PODN: variants seen among roughly 807,000 people sequenced by gnomAD.
PODN encodes the protein podocan proteoglycan.
A neutral mutation model predicts 52.7 loss-of-function variants in PODN; 40 were observed. That is an observed-to-expected ratio of 0.76 (90% CI 0.59 to 0.99). PODN has a LOEUF of 0.99. Among genes scored for constraint, PODN ranks in the 50% least tolerant of loss-of-function variants. PODN has a pLI of 0.00. For synonymous variants in PODN, 396 were observed against 377.9 expected, an observed-to-expected ratio of 1.05 and a Z score of -0.56; for missense variants, 720 against 815.1, an observed-to-expected ratio of 0.88 and a Z score of 1.42.
intron 1 of PODN, 88 bp from the exon 2 acceptor site, chr1:53,069,713 G>A (rs2150294609): frequency 6.8e-7 from 1 of 1,478,278 alleles, no homozygotes. Flanking sequence ...TGGGCTCTGA[G>A]GACAGTCCAG....
chr1:53,067,218 C>T (rs562092984), intron 1 of PODN, among the ~76,000 whole-genome samples: 4 of 152,124 alleles, frequency 2.6e-5, no homozygotes, highest in South Asian at 2.1e-4. Flanking sequence ...GTTTCTCTGC[C>T]GGGCCAGTGG....
At chr1:53,068,250 C>G (rs983638796) in intron 1 of PODN, among the ~76,000 whole-genome samples, 20 of 152,178 alleles carry the variant, frequency 1.3e-4, no homozygotes. Flanking sequence ...GCCGCTAGCT[C>G]CAGTCATTAA....
At position 53,071,525 on chromosome 1, in the gene PODN, A is replaced by T. The variant is rs762417395; in HGVS notation, c.313-10A>T. 1 of 1,610,258 alleles carries T rather than the reference A, an allele frequency of 6.2e-7. No homozygotes were observed. Among genetic ancestry groups the T allele is most frequent in the Non-Finnish European group, 8.5e-7 (1 of 1,177,572 alleles). On this transcript the variant is annotated splice_polypyrimidine_tract_variant and intron_variant, in intron 2 of 10. Transcript: ENST00000312553. ...TGATGCTGCTTCCTTGCGGCCCCCTACCCCCCTAGAACAACCAGCTGGAAA... is the reference window on the plus strand; with the variant it reads ...TGATGCTGCTTCCTTGCGGCCCCCTTCCCCCCTAGAACAACCAGCTGGAAA...
At chr1:53,063,812 T>C (rs1643994739) in intron 1 of PODN, among the ~76,000 whole-genome samples, 1 of 152,170 alleles carries the variant, frequency 6.6e-6, no homozygotes, top group Non-Finnish European at 1.5e-5. Context: ...TAGTCATACA[T>C]GCGAGTGCTG....
chr1:53,078,354 C>G lies in PODN; in HGVS notation c.855-11C>G. On this transcript the variant is annotated splice_polypyrimidine_tract_variant and intron_variant, in intron 7 of 10. Transcript: ENST00000312553. The stretch of plus-strand genomic sequence containing the variant: ...CTCTTGCCAACCGTCCTAATTCCCT[C>G]CCTGCCCCAGGAAGCTCTCCAGCCT... 6.2e-7 allele frequency: 1 copy of G among 1,604,430 alleles called. No homozygotes were observed. Among genetic ancestry groups the G allele is most frequent in the Non-Finnish European group, 8.5e-7 (1 of 1,172,920 alleles).
intron 8 of PODN, among the ~76,000 whole-genome samples, chr1:53,080,349 G>C (rs554305718): frequency 1.3e-5 from 2 of 152,364 alleles, no homozygotes; most frequent in South Asian, 4.1e-4. Flanking sequence ...GCCCATTTGA[G>C]ATCTTTGGGA....
At chr1:53,080,019 A>T (rs1336430471) in intron 8 of PODN, among the ~76,000 whole-genome samples, 1 of 108,750 alleles carries the variant, frequency 9.2e-6, no homozygotes, top group Non-Finnish European at 1.8e-5. Context: ...AAAAAAAAAA[A>T]GGAAACTCAT....
intron 1 of PODN, among the ~76,000 whole-genome samples, chr1:53,062,670 C>T (rs115597904): frequency 0.02 from 2,968 of 152,162 alleles, 112 homozygotes; most frequent in African/African-American, 0.067. Context: ...GGTGGAACTG[C>T]GTAGGGGCGG....
At chr1:53,076,061 C>G (rs1253477637) in intron 5 of PODN, 90 bp downstream of exon 5, 6 of 1,125,124 alleles carry the variant, frequency 5.3e-6, no homozygotes. Flanking sequence ...AGAGACAGGT[C>G]CCGAAGGAGG....
At position 53,075,936 on chromosome 1, in the gene PODN, C is replaced by T. The variant is rs780503333; in HGVS notation, c.546C>T (p.Ile182=). 1 of 1,603,470 alleles carries T rather than the reference C, an allele frequency of 6.2e-7. No homozygotes were observed. The highest frequency in any genetic ancestry group is 2.2e-5 in the East Asian group (1 of 44,770). ...VDFAANYLTK[I]YGLTFGQKPN... ...TTGCTGCCAACTATCTCACCAAGATCTATGGGCTCACCTTTGGCCAGAAGC... is the reference window on the plus strand; with the variant it reads ...TTGCTGCCAACTATCTCACCAAGATTTATGGGCTCACCTTTGGCCAGAAGC... The change falls in exon 5 of 11, where the codon ATC becomes ATT. Residue 182 remains isoleucine (I), a synonymous_variant. Transcript: ENST00000312553.
At position 53,071,641 on chromosome 1, in the gene PODN, C is replaced by T; in HGVS notation, c.406+13C>T. ...CTGACTTCCCGAGGTGAGGGGCCAC[C>T]CAGAGCCCAGGGTCAGGGACACCAA... is the stretch of plus-strand genomic sequence containing the variant. On this transcript the variant is annotated intron_variant, in intron 3 of 10. Coordinates refer to ENST00000312553, the MANE Select transcript of PODN (RefSeq NM_153703.5). 1.2e-6 allele frequency: 2 copies of T among 1,607,688 alleles called. No homozygotes were observed. Among genetic ancestry groups the T allele is most frequent in the East Asian group, 2.2e-5 (1 of 44,800 alleles).
chr1:53,082,217 C>T (rs1644306779), intron 10 of PODN, 29 bp downstream of exon 10: 1 of 1,466,426 alleles, frequency 6.8e-7, no homozygotes, highest in Non-Finnish European at 9.0e-7. Context: ...GCAGCACTCA[C>T]TTCTGCTCCC....
intron 1 of PODN, chr1:53,066,717 A>T (rs1373482414): frequency 8.3e-7 from 1 of 1,208,398 alleles, no homozygotes; most frequent in South Asian, 1.5e-5. Flanking sequence ...GGCTGACCCC[A>T]TTGGGCTCAG....
chr1:53,069,751 G>GC, intron 1 of PODN, 50 bp from the exon 2 acceptor site: 1 of 1,522,660 alleles, frequency 6.6e-7, no homozygotes, highest in South Asian at 1.3e-5. Context: ...GCTCGGGAGG[G>GC]CCCCGTCATG....
rs1007556769 is a variant in PODN at position 53,083,386 on chromosome 1, T to C, written c.*28-1127T>C. On this transcript the variant is annotated intron_variant, in intron 10 of 10. Transcript: ENST00000312553. ...AGGAGGGGGCTGGCTTGGGTGCTGG[T>C]GGGAAGAGGCTGGCCTGGAGGGGGA... is the stretch of plus-strand genomic sequence containing the variant. 3.9e-5 allele frequency among the ~76,000 whole-genome samples: 6 copies of C among 151,940 alleles called. No homozygotes were observed. The East Asian group carries it at 1.2e-3, about 29-fold the overall frequency.
In PODN at chr1:53,079,318, C is replaced by T. The variant is rs191434246; in HGVS notation, c.1512+296C>T. 2.9e-3 allele frequency among the ~76,000 whole-genome samples: 434 copies of T among 152,272 alleles called. 1 individual carries two copies. The highest frequency in any genetic ancestry group is 9.5e-3 in the African/African-American group (396 of 41,558). On this transcript the variant is annotated intron_variant, in intron 8 of 10. Transcript: ENST00000312553. ...AGGGGCAGAGTACAGGTGGTATGAC[C>T]GAGCTGAGCTCATCACCTGCAGATA...
intron 3 of PODN, 140 bp downstream of exon 3, chr1:53,071,768 A>G (rs1644122263): frequency 1.3e-6 from 1 of 797,246 alleles, no homozygotes; most frequent in Non-Finnish European, 2.0e-6. Flanking sequence ...GGGCCAGGCT[A>G]GCAGTGGGGC....
chr1:53,083,895 T>C (rs950441469), intron 10 of PODN, among the ~76,000 whole-genome samples: 3 of 152,102 alleles, frequency 2.0e-5, no homozygotes, highest in Non-Finnish European at 4.4e-5. Flanking sequence ...GGCCAGGACG[T>C]AGCCGTGGGA....
intron 8 of PODN, among the ~76,000 whole-genome samples, chr1:53,079,661 T>C (rs1168244956): frequency 6.6e-6 from 1 of 152,078 alleles, no homozygotes; most frequent in East Asian, 1.9e-4. Flanking sequence ...GGGCACATAG[T>C]TCACTTTGGT....
Sources: gnomAD v4.1 joint callset for allele counts (sites outside exome capture counted in the v4.1 genomes callset) on GRCh38, gnomAD v4.1.1 for gene constraint, MANE v1.5 for transcripts, NCBI Gene and HGNC (gene_info 2026-07-23, HGNC 2026-07-21) for gene names.